KIF21A: variants seen among roughly 807,000 people sequenced by gnomAD.
The protein encoded by KIF21A is kinesin-like protein KIF21A.
In KIF21A, 114 loss-of-function variants were observed where a neutral mutation model predicts 202.9. The ratio of observed to expected loss-of-function variants is 0.56; its 90% CI spans 0.48 to 0.66. The LOEUF (loss-of-function observed/expected upper bound fraction) is 0.66, where lower values mean the gene tolerates loss of function less well. KIF21A is among the 30% of genes least tolerant of loss of function. The pLI is 0.00. For synonymous variants in KIF21A, 667 were observed against 670.8 expected (o/e 0.99, Z 0.09); for missense variants, 1,677 against 1,994.9 (o/e 0.84, Z 3.04).
At chr12:39,304,959 A>T in intron 34 of KIF21A, 21 bp from the exon 35 acceptor site, 8 of 1,190,986 alleles carry the variant, frequency 6.7e-6, no homozygotes, top group Non-Finnish European at 1.0e-5. Flanking sequence ...AAAGAAAAAT[A>T]GTTTTGTTTA....
At chr12:39,422,673 T>C (rs1954401368) in intron 1 of KIF21A, among the ~76,000 whole-genome samples, 1 of 152,212 alleles carries the variant, frequency 6.6e-6, no homozygotes, top group African/African-American at 2.4e-5. Context: ...GGCCTTCAAG[T>C]TGTTCTTTGG....
At chr12:39,398,046 T>C (rs1436561224) in intron 1 of KIF21A, among the ~76,000 whole-genome samples, 1 of 152,206 alleles carries the variant, frequency 6.6e-6, no homozygotes, top group African/African-American at 2.4e-5. Flanking sequence ...AAAATTGACA[T>C]CCAAAAACGA....
At chr12:39,304,113 G>A (rs1299981986) in intron 35 of KIF21A, among the ~76,000 whole-genome samples, 1 of 151,990 alleles carries the variant, frequency 6.6e-6, no homozygotes, top group Non-Finnish European at 1.5e-5. Context: ...ATGTCTCTAG[G>A]GTATAGAATC....
At chr12:39,323,972 T>C (rs1945570358) in intron 26 of KIF21A, among the ~76,000 whole-genome samples, 3 of 151,920 alleles carry the variant, frequency 2.0e-5, no homozygotes, top group Admixed American at 6.6e-5. Context: ...TAGCTGGGCA[T>C]GGTGGCGGGC....
chr12:39,399,659 A>C (rs1952019443), intron 1 of KIF21A, among the ~76,000 whole-genome samples: 1 of 152,178 alleles, frequency 6.6e-6, no homozygotes, highest in Non-Finnish European at 1.5e-5. Context: ...TAACAAATAA[A>C]ACCCAAAGCT....
At chr12:39,417,009 A>C (rs1298056727) in intron 1 of KIF21A, among the ~76,000 whole-genome samples, 1 of 151,784 alleles carries the variant, frequency 6.6e-6, no homozygotes, top group Admixed American at 6.6e-5. Flanking sequence ...ATCATTCATT[A>C]ACAGACTATA....
intron 1 of KIF21A, among the ~76,000 whole-genome samples, chr12:39,420,863 C>T (rs1954198087): frequency 6.6e-6 from 1 of 151,882 alleles, no homozygotes; most frequent in Non-Finnish European, 1.5e-5. Context: ...ATTCAACCCA[C>T]CCAACAAACC....
At chr12:39,357,194 T>C in intron 9 of KIF21A, 54 bp downstream of exon 9, 2 of 1,460,636 alleles carry the variant, frequency 1.4e-6, no homozygotes, top group Non-Finnish European at 1.9e-6. Context: ...ACACAAAGAA[T>C]GTTCCCTGCC....
At position 39,423,620 on chromosome 12, in the gene KIF21A, T is replaced by G. The variant is rs192588282; in HGVS notation, c.44+19307A>C. ...TCTCAGCACTTTGGGAGGCAGAGGC[T>G]AGTGGATCACCTGAGGTCAGGAGTT... On this transcript the variant is annotated intron_variant, in intron 1 of 37. Coordinates refer to ENST00000361418, the MANE Select transcript of KIF21A (RefSeq NM_001173464.2). 3.5e-3 allele frequency among the ~76,000 whole-genome samples: 529 copies of G among 151,490 alleles called. 6 individuals carry two copies. The highest frequency in any genetic ancestry group is 4.4e-3 in the Non-Finnish European group (298 of 67,874).
intron 1 of KIF21A, among the ~76,000 whole-genome samples, chr12:39,441,580 G>A (rs1179792693): frequency 2.3e-5 from 3 of 132,958 alleles, no homozygotes; most frequent in African/African-American, 8.7e-5. Flanking sequence ...CTAGAATAAC[G>A]AAGAAGGCCT....
rs139695269 is a variant in KIF21A, at chr12:39,318,145, C to T, written c.3836G>A (p.Arg1279Gln). Residue 1279 changes from arginine to glutamine, a missense_variant, in exon 29 of 38, where the codon CGG becomes CAG. Around this residue, in one of 3 missense-constraint regions of KIF21A, gnomAD observed 705 missense variants for 791.9 expected, o/e 0.89. Transcript: ENST00000361418. ...AAAAACATTCAGTTCATTACGGGGCCGGCTTGGTGGGGAAGAAGGAGGTGA... is the reference window on the plus strand; with the variant it reads ...AAAAACATTCAGTTCATTACGGGGCTGGCTTGGTGGGGAAGAAGGAGGTGA... ...SLSPPSSPPSRPRNELNVFNR... is the reference protein window; with the variant it reads ...SLSPPSSPPSQPRNELNVFNR... The T allele has an allele frequency of 7.0e-5, 113 of 1,613,452 alleles. 1 individual carries two copies. The African/African-American group carries it at 1.3e-3, about 19-fold the overall frequency.
chr12:39,416,361 C>T (rs1472674717), intron 1 of KIF21A, among the ~76,000 whole-genome samples: 2 of 151,764 alleles, frequency 1.3e-5, no homozygotes, highest in Non-Finnish European at 2.9e-5. Context: ...TTTGGGAGGC[C>T]GAGAAGGGCG....
intron 1 of KIF21A, among the ~76,000 whole-genome samples, chr12:39,393,885 A>G (rs1030115927): frequency 1.3e-5 from 2 of 152,138 alleles, no homozygotes; most frequent in Non-Finnish European, 2.9e-5. Context: ...CCTCACAATA[A>G]ACCATCCAAT....
intron 10 of KIF21A, among the ~76,000 whole-genome samples, chr12:39,356,323 T>G (rs537542612): frequency 1.8e-4 from 28 of 152,344 alleles, no homozygotes; most frequent in African/African-American, 6.7e-4. Flanking sequence ...GTCATGGTAT[T>G]GACATATGCA....
intron 6 of KIF21A, among the ~76,000 whole-genome samples, chr12:39,364,916 G>A (rs551836320): frequency 6.6e-6 from 1 of 152,296 alleles, no homozygotes; most frequent in Admixed American, 6.5e-5. Flanking sequence ...TATGATTTAA[G>A]AGTCATGCAG....
At position 39,407,274 on chromosome 12, in the gene KIF21A, T is replaced by C. The variant is rs765701014; in HGVS notation, c.44+35653A>G. ...AAAATTACCGTGAAGTTTATTGTAA[T>C]TACAATCATTACAATGTTTCAAACT... On this transcript the variant is annotated intron_variant, in intron 1 of 37. Transcript: ENST00000361418. Among the ~76,000 whole-genome samples, 12 of 152,368 alleles carry C rather than the reference T, an allele frequency of 7.9e-5. No homozygotes were observed. In the South Asian group the frequency reaches 2.3e-3, roughly 29 times the overall value.
At chr12:39,424,560 AAC>A (rs1241485145) in intron 1 of KIF21A, among the ~76,000 whole-genome samples, 26 of 152,330 alleles carry the variant, frequency 1.7e-4, no homozygotes, top group African/African-American at 5.5e-4. Context: ...CAACAATTTC[AAC>A]ACAGACAATA....
At chr12:39,337,336 A>G (rs1021259358) in intron 16 of KIF21A, 133 bp from the exon 17 acceptor site, 4 of 671,650 alleles carry the variant, frequency 6.0e-6, no homozygotes, top group East Asian at 5.4e-5. Flanking sequence ...CTGCACGTTT[A>G]AAGTGGGCAA....
At chr12:39,330,123 T>C (rs1331168817) in intron 24 of KIF21A, 119 bp downstream of exon 24, 5 of 910,312 alleles carry the variant, frequency 5.5e-6, no homozygotes, top group Non-Finnish European at 9.1e-6. Context: ...AAAAAGATCA[T>C]GCAAAAACCA....
Sources: allele counts gnomAD v4.1 joint callset (sites outside exome capture counted in the v4.1 genomes callset), GRCh38; gene constraint gnomAD v4.1.1; regional missense constraint gnomAD v4.1.1; transcripts MANE v1.5; gene names NCBI Gene and HGNC (gene_info 2026-07-23, HGNC 2026-07-21).